The following NPAS3 variants were observed in gnomAD, a reference collection of about 807,000 sequenced individuals.
NPAS3 encodes neuronal PAS domain-containing protein 3.
A neutral mutation model predicts 73.1 loss-of-function variants in NPAS3; 14 were observed. The observed-to-expected ratio is 0.19, with a 90% confidence interval of 0.13 to 0.30. NPAS3 has a LOEUF of 0.30. NPAS3 is among the 10% of genes least tolerant of loss of function. The probability of loss-of-function intolerance (pLI) is 1.00; values close to 1 mark genes in which losing one functional copy is unlikely to be tolerated. For missense variants in NPAS3, 1,096 were observed against 1,250.0 expected (o/e 0.88, Z 1.86); for synonymous variants, 620 against 541.5 (o/e 1.14, Z -2.01).
At chr14:33,717,820 G>A (rs556324481) in intron 6 of NPAS3, among the ~76,000 whole-genome samples, 3 of 152,192 alleles carry the variant, frequency 2.0e-5, no homozygotes, top group South Asian at 2.1e-4. Flanking sequence ...CTCAAAGAGT[G>A]CTGCGACAAC....
At chr14:33,563,537 CAGAGAG>C (rs1286632432) in intron 5 of NPAS3, among the ~76,000 whole-genome samples, 2 of 119,650 alleles carry the variant, frequency 1.7e-5, no homozygotes, top group African/African-American at 3.7e-5. Flanking sequence ...CACACACACA[CAGAGAG>C]AGAGAGAGAG....
chr14:33,266,527 G>A (rs1439750744), intron 3 of NPAS3, among the ~76,000 whole-genome samples: 1 of 152,146 alleles, frequency 6.6e-6, no homozygotes, highest in Non-Finnish European at 1.5e-5. Context: ...TGAAGTAAAA[G>A]CAGTATTTAA....
intron 1 of NPAS3, among the ~76,000 whole-genome samples, chr14:33,012,856 C>T (rs2039260770): frequency 6.6e-6 from 1 of 152,070 alleles, no homozygotes; most frequent in South Asian, 2.1e-4. Context: ...GGCCCAAAGT[C>T]GTATCTTTTG....
At chr14:33,799,371 G>A (rs2063611668) in intron 11 of NPAS3, among the ~76,000 whole-genome samples, 1 of 152,112 alleles carries the variant, frequency 6.6e-6, no homozygotes, top group African/African-American at 2.4e-5. Flanking sequence ...GAGTATCTTT[G>A]TGGGACTTCT....
intron 3 of NPAS3, among the ~76,000 whole-genome samples, chr14:33,235,891 C>A (rs543328011): frequency 1.5e-5 from 2 of 132,690 alleles, no homozygotes; most frequent in African/African-American, 5.6e-5. Flanking sequence ...TGGACTCAAG[C>A]GATCCTCCTA....
chr14:33,372,598 T>C (rs967899942), intron 4 of NPAS3, among the ~76,000 whole-genome samples: 10 of 152,148 alleles, frequency 6.6e-5, no homozygotes, highest in African/African-American at 2.4e-4. Context: ...ACCAATATTA[T>C]AGTCTCAGTA....
chr14:33,558,451 G>T (rs914770100), intron 4 of NPAS3, among the ~76,000 whole-genome samples: 1 of 152,018 alleles, frequency 6.6e-6, no homozygotes, highest in East Asian at 1.9e-4. Flanking sequence ...TAGAGATGGG[G>T]TTTCCACCAT....
At chr14:32,955,166 C>T (rs969458329) in intron 1 of NPAS3, among the ~76,000 whole-genome samples, 2 of 152,146 alleles carry the variant, frequency 1.3e-5, no homozygotes, top group South Asian at 2.1e-4. Flanking sequence ...TAAGCATTCA[C>T]CTGCAATCAA....
intron 5 of NPAS3, among the ~76,000 whole-genome samples, chr14:33,577,832 C>A (rs918199381): frequency 2.0e-5 from 3 of 152,224 alleles, no homozygotes; most frequent in Non-Finnish European, 4.4e-5. Context: ...CTGTGCAGAT[C>A]CTGAGCCATA....
chr14:33,364,504 A>G (rs2045745319), intron 3 of NPAS3, among the ~76,000 whole-genome samples: 1 of 152,222 alleles, frequency 6.6e-6, no homozygotes, highest in Non-Finnish European at 1.5e-5. Context: ...CATCACCTGC[A>G]TAAGTGCAAA....
At chr14:33,284,265 G>A (rs1405831478) in intron 3 of NPAS3, among the ~76,000 whole-genome samples, 3 of 151,902 alleles carry the variant, frequency 2.0e-5, no homozygotes, top group African/African-American at 7.3e-5. Flanking sequence ...ATGTTTGGCT[G>A]TATTTTGGGG....
chr14:32,961,266 G>A (rs951694483), intron 1 of NPAS3, among the ~76,000 whole-genome samples: 1 of 152,010 alleles, frequency 6.6e-6, no homozygotes, highest in African/African-American at 2.4e-5. Flanking sequence ...CAAAAAATTA[G>A]CCGGGTGTGG....
At chr14:33,441,595 A>T (rs1168764263) in intron 4 of NPAS3, among the ~76,000 whole-genome samples, 1 of 152,172 alleles carries the variant, frequency 6.6e-6, no homozygotes, top group African/African-American at 2.4e-5. Flanking sequence ...TGTCTTCTTT[A>T]TATTTTTCAC....
chr14:33,497,148 G>C (rs1433604882), intron 4 of NPAS3, among the ~76,000 whole-genome samples: 1 of 152,122 alleles, frequency 6.6e-6, no homozygotes, highest in Non-Finnish European at 1.5e-5. Context: ...CAAGGGATGT[G>C]AAGGACCTCT....
rs757236482 is a variant in NPAS3, at chr14:33,800,657, T to A, written c.2350T>A (p.Leu784Met). 6.5e-7 allele frequency: 1 copy of A among 1,537,786 alleles called. No homozygotes were observed. Among genetic ancestry groups the A allele is most frequent in the Non-Finnish European group, 8.7e-7 (1 of 1,145,066 alleles). The change falls in exon 12 of 12, where the codon TTG (leucine) becomes ATG (methionine). Residue 784 changes from leucine to methionine, a missense_variant. Transcript: ENST00000356141. The surrounding 1 kb of genome is among the most constrained non-coding windows in gnomAD (Gnocchi z 6.5). ...CGGCGGCCCCAGCGCGTCCAACTCC[T>A]TGCTGTACACTGGGGACCTGGAGGC...
intron 6 of NPAS3, among the ~76,000 whole-genome samples, chr14:33,725,284 T>C (rs2061234253): frequency 6.6e-6 from 1 of 151,840 alleles, no homozygotes; most frequent in African/African-American, 2.4e-5. Flanking sequence ...TAAATAAATA[T>C]AAAAAATAAA....
At chr14:33,234,880 A>G (rs1421829605) in intron 3 of NPAS3, among the ~76,000 whole-genome samples, 2 of 152,122 alleles carry the variant, frequency 1.3e-5, no homozygotes, top group Non-Finnish European at 2.9e-5. Context: ...GCATTTGGCT[A>G]TAATAAGAGA....
intron 4 of NPAS3, among the ~76,000 whole-genome samples, chr14:33,401,024 G>A (rs907074115): frequency 6.6e-6 from 1 of 151,996 alleles, no homozygotes; most frequent in African/African-American, 2.4e-5. Context: ...ATTAGATATT[G>A]CAGAATGCAA....
chr14:33,051,243 C>G (rs1025170491), intron 1 of NPAS3, among the ~76,000 whole-genome samples: 1 of 144,020 alleles, frequency 6.9e-6, no homozygotes, highest in Non-Finnish European at 1.5e-5. Context: ...CATTGCAGTC[C>G]GCAGTCCGGC....
Sources: allele counts gnomAD v4.1 joint callset (sites outside exome capture counted in the v4.1 genomes callset), GRCh38; gene constraint gnomAD v4.1.1; non-coding constraint Gnocchi (gnomAD v3.1); transcripts MANE v1.5; gene names NCBI Gene and HGNC (gene_info 2026-07-23, HGNC 2026-07-21).